DCDC2: variants seen among roughly 807,000 people sequenced by gnomAD.
The protein encoded by DCDC2 is doublecortin domain-containing protein 2.
Under a neutral mutation model 50.2 loss-of-function variants are expected in DCDC2, and 40 were observed. That is an observed-to-expected ratio of 0.80 (90% CI 0.62 to 1.04). The LOEUF is 1.04. Ranked by LOEUF, DCDC2 falls within the 50% of genes least tolerant of loss-of-function variation. The probability of loss-of-function intolerance (pLI) is 0.00; values close to 1 mark genes in which losing one functional copy is unlikely to be tolerated. For synonymous variants in DCDC2, 234 were observed against 210.6 expected, an observed-to-expected ratio of 1.11 and a Z score of -0.96; for missense variants, 570 against 581.9, an observed-to-expected ratio of 0.98 and a Z score of 0.21.
intron 2 of DCDC2, among the ~76,000 whole-genome samples, chr6:24,333,302 G>A (rs1203251386): frequency 6.6e-6 from 1 of 152,074 alleles, no homozygotes; most frequent in Non-Finnish European, 1.5e-5. Flanking sequence ...AAAGACGGTG[G>A]CAAGGTCAGA....
intron 2 of DCDC2, among the ~76,000 whole-genome samples, chr6:24,330,071 T>C (rs1759940173): frequency 6.6e-6 from 1 of 152,182 alleles, no homozygotes; most frequent in Admixed American, 6.6e-5. Flanking sequence ...GGGACTACTG[T>C]AGAATTATTA....
At chr6:24,236,836 C>A (rs1277253978) in intron 7 of DCDC2, among the ~76,000 whole-genome samples, 3 of 152,142 alleles carry the variant, frequency 2.0e-5, no homozygotes, top group African/African-American at 7.2e-5. Context: ...ATGGTAAAAC[C>A]CCATCTCTAC....
chr6:24,285,117 G>C (rs1173669731), intron 6 of DCDC2, among the ~76,000 whole-genome samples: 1 of 151,850 alleles, frequency 6.6e-6, no homozygotes, highest in Non-Finnish European at 1.5e-5. Context: ...ACCACTATAC[G>C]CTCAGTGCCT....
chr6:24,251,026 T>A (rs889202992), intron 7 of DCDC2, among the ~76,000 whole-genome samples: 1 of 152,166 alleles, frequency 6.6e-6, no homozygotes, highest in Non-Finnish European at 1.5e-5. Flanking sequence ...TCCCATAGCA[T>A]AAGGAAAGGC....
intron 4 of DCDC2, among the ~76,000 whole-genome samples, chr6:24,299,874 C>T (rs968161084): frequency 1.3e-5 from 2 of 151,388 alleles, no homozygotes; most frequent in Non-Finnish European, 2.9e-5. Context: ...AGCCAAGATC[C>T]CACCATTGCA....
At chr6:24,181,820 A>G (rs991383863) in intron 8 of DCDC2, among the ~76,000 whole-genome samples, 18 of 152,358 alleles carry the variant, frequency 1.2e-4, no homozygotes, top group African/African-American at 3.4e-4. Flanking sequence ...AACCCATCCT[A>G]TAAGTCATAT....
intron 2 of DCDC2, among the ~76,000 whole-genome samples, chr6:24,351,578 G>A (rs1760373036): frequency 6.6e-6 from 1 of 152,174 alleles, no homozygotes; most frequent in African/African-American, 2.4e-5. Flanking sequence ...GAGGAAAGGA[G>A]TAAGTGGGAG....
the DCDC2 span, among the ~76,000 whole-genome samples, chr6:24,363,787 A>C: frequency 3.9e-5 from 6 of 152,158 alleles, no homozygotes; most frequent in African/African-American, 1.4e-4. Context: ...CCTAAGAGGT[A>C]ACCCTGTCTC....
At chr6:24,258,776 C>G (rs999131183) in intron 7 of DCDC2, among the ~76,000 whole-genome samples, 1 of 152,162 alleles carries the variant, frequency 6.6e-6, no homozygotes, top group Non-Finnish European at 1.5e-5. Context: ...TTGGGACTCT[C>G]AGAGTCACTT....
intron 7 of DCDC2, among the ~76,000 whole-genome samples, chr6:24,248,392 T>C (rs9295618): frequency 0.54 from 81,915 of 152,054 alleles, 23,940 homozygotes; most frequent in Non-Finnish European, 0.64. Context: ...TCTGTAAAAC[T>C]GAGATAGTAG....
chr6:24,358,835 A>T (rs7750667), upstream of DCDC2, among the ~76,000 whole-genome samples: 155 of 59,348 alleles, frequency 2.6e-3, 12 homozygotes, highest in African/African-American at 0.011. Context: ...TTATATTTAT[A>T]TATATATTTA....
chr6:24,196,213 T>A, intron 8 of DCDC2, among the ~76,000 whole-genome samples: 1 of 117,836 alleles, frequency 8.5e-6, no homozygotes, highest in East Asian at 2.5e-4. Context: ...CTTTCTGGGT[T>A]AATAATTGGC....
chr6:24,335,626 A>G (rs1158606221), intron 2 of DCDC2, among the ~76,000 whole-genome samples: 1 of 152,112 alleles, frequency 6.6e-6, no homozygotes, highest in Non-Finnish European at 1.5e-5. Flanking sequence ...TAAAGATACT[A>G]CCCAAAACTA....
upstream of DCDC2, among the ~76,000 whole-genome samples, chr6:24,360,851 G>A (rs1022442805): frequency 1.3e-5 from 2 of 152,130 alleles, no homozygotes; most frequent in Admixed American, 1.3e-4. Context: ...AACCTTCAGA[G>A]GTAAATATTA....
chr6:24,175,586 C>G (rs1358312588), intron 9 of DCDC2, among the ~76,000 whole-genome samples: 1 of 152,182 alleles, frequency 6.6e-6, no homozygotes, highest in African/African-American at 2.4e-5. Context: ...ATATATATGA[C>G]TGGTGCCGTG....
At chr6:24,208,504 G>A (rs1035255739) in intron 7 of DCDC2, among the ~76,000 whole-genome samples, 2 of 151,448 alleles carry the variant, frequency 1.3e-5, no homozygotes, top group African/African-American at 4.9e-5. Context: ...CCAAGTAGCT[G>A]GGATTACAGG....
intron 6 of DCDC2, among the ~76,000 whole-genome samples, chr6:24,283,306 G>A (rs531671332): frequency 3.9e-5 from 6 of 152,176 alleles, no homozygotes; most frequent in South Asian, 2.1e-4. Flanking sequence ...TGTGACTCCC[G>A]CAGCACTGAG....
At chr6:24,341,814 C>T (rs1362198912) in intron 2 of DCDC2, among the ~76,000 whole-genome samples, 1 of 152,158 alleles carries the variant, frequency 6.6e-6, no homozygotes, top group East Asian at 1.9e-4. Flanking sequence ...ACAGTGTTCT[C>T]ACCAAACTAC....
At chr6:24,207,142 C>T (rs1761730711) in intron 7 of DCDC2, among the ~76,000 whole-genome samples, 1 of 152,050 alleles carries the variant, frequency 6.6e-6, no homozygotes. Flanking sequence ...TGTTTATATG[C>T]ATTTTAGAAA....
Sources: gnomAD v4.1 joint callset for allele counts (sites outside exome capture counted in the v4.1 genomes callset) on GRCh38, gnomAD v4.1.1 for gene constraint, MANE v1.5 for transcripts, NCBI Gene and HGNC (gene_info 2026-07-23, HGNC 2026-07-21) for gene names.